The following LRP2 variants were observed in gnomAD, a reference collection of about 807,000 sequenced individuals.
LRP2 encodes low-density lipoprotein receptor-related protein 2.
In LRP2, 172 loss-of-function variants were observed where a neutral mutation model predicts 531.0. That is an observed-to-expected ratio of 0.32 (90% CI 0.29 to 0.37). The LOEUF (loss-of-function observed/expected upper bound fraction) is 0.37, where lower values mean the gene tolerates loss of function less well. LRP2 is among the 10% of genes least tolerant of loss of function. LRP2 has a pLI of 1.00. For missense variants in LRP2, 5,167 were observed against 5,868.3 expected, an observed-to-expected ratio of 0.88 and a Z score of 3.90; for synonymous variants, 1,992 against 2,027.6, an observed-to-expected ratio of 0.98 and a Z score of 0.47.
chr2:169,248,695 G>A (rs1203319173), intron 19 of LRP2, among the ~76,000 whole-genome samples: 5 of 124,110 alleles, frequency 4.0e-5, no homozygotes, highest in Admixed American at 7.9e-5. Context: ...CGCAGAAGAC[G>A]GTGATTTCTG....
intron 39 of LRP2, 55 bp downstream of exon 39, chr2:169,206,275 G>T: frequency 6.2e-7 from 1 of 1,610,352 alleles, no homozygotes; most frequent in Non-Finnish European, 8.5e-7. Flanking sequence ...TCATCCATGT[G>T]TGTTGACCCC....
rs761389849 is a variant in LRP2, at chr2:169,257,158, G to A, written c.2605C>T (p.Leu869Phe). Reference protein sequence around the residue: ...SHLLPVINTTLGWPNGLAIDW... With the variant: ...SHLLPVINTTFGWPNGLAIDW... Reference sequence around the variant, plus strand: ...ATGGCCAAGCCATTGGGCCATCCAAGAGTAGTGTTTATTACAGGCAAGAGG... The same window carrying A: ...ATGGCCAAGCCATTGGGCCATCCAAAAGTAGTGTTTATTACAGGCAAGAGG... Residue 869 changes from leucine to phenylalanine, a missense_variant, in exon 18 of 79, where the codon CTT (leucine) becomes TTT (phenylalanine). Physicochemically the swap from Leu to Phe is conservative, Grantham distance 22. Around this residue, in one of 6 missense-constraint regions of LRP2, gnomAD observed 2,811 missense variants for 3,058.0 expected, o/e 0.92. Transcript: ENST00000649046. 14 of 1,612,940 alleles carry A rather than the reference G, an allele frequency of 8.7e-6. No homozygotes were observed. The highest frequency in any genetic ancestry group is 1.2e-5 in the Non-Finnish European group (14 of 1,179,216).
intron 50 of LRP2, among the ~76,000 whole-genome samples, chr2:169,184,879 G>A (rs2284677): frequency 0.71 from 107,784 of 151,674 alleles, 38,532 homozygotes; most frequent in South Asian, 0.81. Context: ...TCCTACCTCA[G>A]CCTCATGAGT....
At chr2:169,130,145 A>G (rs990152217) in intron 77 of LRP2, among the ~76,000 whole-genome samples, 1 of 152,234 alleles carries the variant, frequency 6.6e-6, no homozygotes, top group African/African-American at 2.4e-5. Context: ...AAAGTCTCTT[A>G]GATGTCATTG....
At chr2:169,349,471 A>G (rs1362377973) in intron 1 of LRP2, among the ~76,000 whole-genome samples, 1 of 152,164 alleles carries the variant, frequency 6.6e-6, no homozygotes, top group Non-Finnish European at 1.5e-5. Context: ...TGTGAAGGCC[A>G]AATGGTTAGG....
chr2:169,202,319 T>C (rs1688229656), intron 43 of LRP2, among the ~76,000 whole-genome samples: 1 of 152,206 alleles, frequency 6.6e-6, no homozygotes, highest in African/African-American at 2.4e-5. Flanking sequence ...CATAAAATTT[T>C]TGAAATAATG....
chr2:169,265,831 G>T (rs1690776062), intron 16 of LRP2, among the ~76,000 whole-genome samples: 1 of 151,930 alleles, frequency 6.6e-6, no homozygotes, highest in African/African-American at 2.4e-5. Context: ...AGAAGTTCCA[G>T]CACAGGGGAG....
At chr2:169,130,263 C>T (rs1558967192) in intron 77 of LRP2, among the ~76,000 whole-genome samples, 1 of 150,766 alleles carries the variant, frequency 6.6e-6, no homozygotes, top group Non-Finnish European at 1.5e-5. Context: ...ATCAATGTAA[C>T]TTTTGGAAAA....
At position 169,127,947 on chromosome 2, in the gene LRP2, G is replaced by A. The variant is rs1458689704; in HGVS notation, c.*716C>T. Reference sequence around the variant, plus strand: ...CAGGACACTGGCACTTAATGATATGGGATTTCCTCATAGACATCACAAATA... The same window carrying A: ...CAGGACACTGGCACTTAATGATATGAGATTTCCTCATAGACATCACAAATA... On this transcript the variant is annotated 3_prime_UTR_variant, in exon 79 of 79. Transcript: ENST00000649046. The A allele has an allele frequency of 6.6e-6, 1 of 152,316 alleles. No individual in the cohort carries two copies. The highest frequency in any genetic ancestry group is 2.4e-5 in the African/African-American group (1 of 41,366). The allele number at this position is 152,316 out of a possible 1,614,324, so 9.4% of individuals were successfully genotyped here. A position where few individuals can be genotyped will look rare whatever the true frequency, so the allele number is the denominator to read the frequency against.
Position 169,172,101 on chromosome 2 carries a change from C to A in LRP2, c.11177G>T (p.Arg3726Leu), listed in dbSNP as rs368370950. The change falls in exon 58 of 79, where the codon CGC becomes CTC. Residue 3726 changes from arginine (R) to leucine (L), a missense_variant. Arg to Leu is a moderately radical substitution (Grantham distance 102). This residue lies in a region of LRP2 where 311 missense variants were observed against 309.4 expected (regional missense o/e 1.01). Transcript: ENST00000649046. Reference sequence around the variant, plus strand: ...AGGGATGCAGTGGTGATTTTTACAGCGGAAATCCCCCACAGGATGGCATGT... The same window carrying A: ...AGGGATGCAGTGGTGATTTTTACAGAGGAAATCCCCCACAGGATGGCATGT... ...ERTCHPVGDF[R>L]CKNHHCIPLR... The A allele has an allele frequency of 1.2e-6, 2 of 1,614,022 alleles. No homozygotes were observed. Among genetic ancestry groups the A allele is most frequent in the African/African-American group, 2.7e-5 (2 of 74,918 alleles).
chr2:169,177,593 G>A (rs917936133), intron 53 of LRP2, among the ~76,000 whole-genome samples: 2 of 152,030 alleles, frequency 1.3e-5, no homozygotes, highest in African/African-American at 4.8e-5. Flanking sequence ...CGAGTTTTAA[G>A]AAGATGAAGA....
At position 169,228,852 on chromosome 2, in the gene LRP2, C is replaced by T. The variant is rs146148088; in HGVS notation, c.5228-2264G>A. On this transcript the variant is annotated intron_variant, in intron 31 of 78. Coordinates refer to ENST00000649046, the MANE Select transcript of LRP2 (RefSeq NM_004525.3). ...AACTGGCCAGTAAGACAACAGGTGG[C>T]GCAGGGAGATGCCTGAAAAGTGCTA... Among the ~76,000 whole-genome samples the T allele has an allele frequency of 1.9e-4, 29 of 152,196 alleles. No homozygotes were observed. The South Asian group carries it at 2.1e-3, about 11-fold the overall frequency.
chr2:169,197,676 C>A (rs1055051918), intron 45 of LRP2, among the ~76,000 whole-genome samples: 3 of 152,206 alleles, frequency 2.0e-5, no homozygotes, highest in African/African-American at 7.2e-5. Flanking sequence ...GGCCGTTTTG[C>A]TTTGGCCCCT....
chr2:169,283,004 G>A lies in LRP2; in HGVS notation c.1043-3C>T, dbSNP rs376109731. The A allele has an allele frequency of 2.5e-6, 4 of 1,613,698 alleles. No individual in the cohort carries two copies. In the African/African-American group the frequency reaches 5.3e-5, roughly 22 times the overall value. ...CCATATCTGGCAATCATCAAACTCT[G>A]CCATATGGAAAATACACATTTGTAG... On this transcript the variant is annotated splice_polypyrimidine_tract_variant and splice_region_variant and intron_variant, in intron 9 of 78. Transcript: ENST00000649046.
intron 54 of LRP2, among the ~76,000 whole-genome samples, chr2:169,176,124 A>G (rs1481214035): frequency 1.3e-5 from 2 of 152,210 alleles, no homozygotes. Flanking sequence ...ACTTATATAC[A>G]CTCTGGCTCC....
chr2:169,338,394 A>AAG lies in LRP2; in HGVS notation c.80-17512_80-17511dup, dbSNP rs1210198583. On this transcript the variant is annotated intron_variant, in intron 1 of 78. Transcript: ENST00000649046. ...AAAGAAAGAAAGAAAGAAAGAAAGA[A>AAG]AGAAAGAAAGAAAGAAAAGAAAAGA... Among the ~76,000 whole-genome samples the AAG allele has an allele frequency of 2.4e-5, 3 of 126,966 alleles. No homozygotes were observed. The East Asian group carries it at 9.4e-4, about 40-fold the overall frequency. 83.3% of individuals were successfully genotyped at this position (126,966 alleles called of 152,430 possible).
Position 169,294,675 on chromosome 2 carries a change from C to T in LRP2, c.463G>A (p.Gly155Arg). 6.2e-7 allele frequency: 1 copy of T among 1,610,670 alleles called. No individual in the cohort carries two copies. The highest frequency in any genetic ancestry group is 1.7e-4 in the Middle Eastern group (1 of 5,966). Residue 155 changes from glycine to arginine, a missense_variant, in exon 5 of 79, where the codon GGG becomes AGG. Physicochemically the swap from Gly to Arg is moderately radical, Grantham distance 125. Coordinates refer to ENST00000649046, the MANE Select transcript of LRP2 (RefSeq NM_004525.3). ...PTCEQLTCDN[G>R]ACYNTSQKCD... The stretch of plus-strand genomic sequence containing the variant: ...TTCTGACTGGTGTTATAGCAGGCCC[C>T]ATTGTCACAAGTAAGCTGCTCACAT...
chr2:169,311,241 A>G (rs964305110), intron 3 of LRP2, among the ~76,000 whole-genome samples: 2 of 152,228 alleles, frequency 1.3e-5, no homozygotes. Context: ...GCCTTCTGCT[A>G]GCTTTTGAAT....
At chr2:169,157,285 T>A in intron 64 of LRP2, 86 bp downstream of exon 64, 1 of 1,357,010 alleles carries the variant, frequency 7.4e-7, no homozygotes. Context: ...GGGAATTAAA[T>A]AGTGATTTAT....
Sources: allele counts gnomAD v4.1 joint callset (sites outside exome capture counted in the v4.1 genomes callset), GRCh38; gene constraint gnomAD v4.1.1; regional missense constraint gnomAD v4.1.1; transcripts MANE v1.5; gene names NCBI Gene and HGNC (gene_info 2026-07-23, HGNC 2026-07-21).